The following PSD3 variants were observed in gnomAD, a reference collection of about 807,000 sequenced individuals.
PSD3 encodes the protein PH and SEC7 domain-containing protein 3.
In PSD3, 49 loss-of-function variants were observed where a neutral mutation model predicts 105.5. The observed-to-expected ratio is 0.46, with a 90% CI of 0.37 to 0.59. The LOEUF is 0.59. Among genes scored for constraint, PSD3 ranks in the 20% least tolerant of loss-of-function variants. The pLI, the probability that PSD3 is intolerant of heterozygous loss-of-function variation, is 0.00. For missense variants in PSD3, 1,561 were observed against 1,263.8 expected, an observed-to-expected ratio of 1.24 and a Z score of -3.57; for synonymous variants, 557 against 457.8, an observed-to-expected ratio of 1.22 and a Z score of -2.77.
chr8:18,530,915 A>G lies in PSD3; in HGVS notation c.*4828T>C, dbSNP rs1799608116. 4 of 152,302 alleles carry G rather than the reference A, an allele frequency of 2.6e-5. No individual in the cohort carries two copies. The highest frequency in any genetic ancestry group is 4.1e-4 in the South Asian group (2 of 4,826). 9.4% of individuals were successfully genotyped at this position (152,302 alleles called of 1,614,324 possible). ...AACAATACCACTATATATACTCTCAACAACTTCATTATATAATCAGTCCTA... is the reference window on the plus strand; with the variant it reads ...AACAATACCACTATATATACTCTCAGCAACTTCATTATATAATCAGTCCTA... On this transcript the variant is annotated 3_prime_UTR_variant, in exon 16 of 16. Transcript: ENST00000327040.
chr8:18,588,337 T>C (rs116196342), intron 12 of PSD3, among the ~76,000 whole-genome samples: 1,841 of 152,280 alleles, frequency 0.012, 35 homozygotes, highest in African/African-American at 0.041. Context: ...TAAGCTTCCA[T>C]TGATTGAGGA....
Position 18,612,611 on chromosome 8 carries a change from C to T in PSD3, c.2411-12177G>A, listed in dbSNP as rs538399297. 4.6e-5 allele frequency among the ~76,000 whole-genome samples: 7 copies of T among 152,208 alleles called. No homozygotes were observed. The East Asian group carries it at 1.4e-3, about 30-fold the overall frequency. On this transcript the variant is annotated intron_variant, in intron 11 of 15. Coordinates refer to ENST00000327040, the MANE Select transcript of PSD3 (RefSeq NM_015310.4). ...GGTCTTGATCTCCTGACCTCGTGAT[C>T]CGCCTGCCTCGGCCTCCCAAAGTGC...
chr8:18,786,274 T>C (rs1809146886), intron 8 of PSD3, among the ~76,000 whole-genome samples: 1 of 152,206 alleles, frequency 6.6e-6, no homozygotes, highest in Admixed American at 6.5e-5. Flanking sequence ...GGGAGATTCA[T>C]GAACAAGATA....
intron 15 of PSD3, among the ~76,000 whole-genome samples, chr8:18,547,017 T>C (rs943371648): frequency 3.9e-5 from 6 of 152,136 alleles, no homozygotes; most frequent in Non-Finnish European, 5.9e-5. Context: ...ATCTGGGCTG[T>C]TTCTCTAGAC....
chr8:18,530,061 A>T lies in PSD3; in HGVS notation c.*5682T>A, dbSNP rs1194699265. On this transcript the variant is annotated 3_prime_UTR_variant, in exon 16 of 16. Transcript: ENST00000327040. ...GCTGAAGTTAGTCTCCCACCCCACA[A>T]TTCAAACTCTCTGAATCAGCTACAA... is the stretch of plus-strand genomic sequence containing the variant. 6.6e-6 allele frequency: 1 copy of T among 152,584 alleles called. No homozygotes were observed. Among genetic ancestry groups the T allele is most frequent in the Admixed American group, 6.5e-5 (1 of 15,274 alleles). 9.5% of individuals were successfully genotyped at this position (152,584 alleles called of 1,614,324 possible).
At chr8:19,075,916 A>G (rs887887363) in intron 1 of PSD3, among the ~76,000 whole-genome samples, 2 of 152,258 alleles carry the variant, frequency 1.3e-5, no homozygotes, top group African/African-American at 4.8e-5. Context: ...ACACGTAATC[A>G]ACAATGTAAT....
chr8:18,802,101 C>A (rs1810749447), intron 6 of PSD3, among the ~76,000 whole-genome samples: 1 of 152,058 alleles, frequency 6.6e-6, no homozygotes, highest in African/African-American at 2.4e-5. Flanking sequence ...GATTGCATTG[C>A]TTTGTGCACA....
intron 1 of PSD3, among the ~76,000 whole-genome samples, chr8:18,971,783 T>A (rs1293043100): frequency 6.6e-6 from 1 of 152,074 alleles, no homozygotes; most frequent in Non-Finnish European, 1.5e-5. Flanking sequence ...GGCAGGTGGA[T>A]CACTTGAGGT....
chr8:19,009,939 C>T (rs529675203), intron 1 of PSD3, among the ~76,000 whole-genome samples: 3 of 152,252 alleles, frequency 2.0e-5, no homozygotes, highest in South Asian at 4.2e-4. Context: ...TTAGAAAATG[C>T]TGCTTTCTCA....
intron 9 of PSD3, among the ~76,000 whole-genome samples, chr8:18,722,317 C>T (rs1219881508): frequency 6.6e-6 from 1 of 152,108 alleles, no homozygotes; most frequent in Non-Finnish European, 1.5e-5. Flanking sequence ...CTTACCTTTG[C>T]TCAGTCTACT....
chr8:18,686,732 C>G (rs965370285), intron 9 of PSD3, among the ~76,000 whole-genome samples: 1 of 152,156 alleles, frequency 6.6e-6, no homozygotes, highest in African/African-American at 2.4e-5. Flanking sequence ...ACTCTTCATT[C>G]CAGGTGAGTG....
intron 2 of PSD3, among the ~76,000 whole-genome samples, chr8:18,893,669 C>T (rs554583245): frequency 6.6e-6 from 1 of 151,432 alleles, no homozygotes; most frequent in East Asian, 2.0e-4. Flanking sequence ...GAGCAGAGCA[C>T]ATCCATGTGC....
rs1006271474 is a variant in PSD3, at chr8:18,529,059, C to T, written c.*6684G>A. The T allele has an allele frequency of 6.6e-6, 1 of 152,174 alleles. No individual in the cohort carries two copies. Among genetic ancestry groups the T allele is most frequent in the Non-Finnish European group, 1.5e-5 (1 of 68,046 alleles). 9.4% of individuals were successfully genotyped at this position (152,174 alleles called of 1,614,324 possible). On this transcript the variant is annotated 3_prime_UTR_variant, in exon 16 of 16. Transcript: ENST00000327040. ...TCCTTGTTTCTTCACTTGTACTCCT[C>T]TCTCAAAGGAATGATCTGCAGAGCA...
At position 18,872,059 on chromosome 8, in the gene PSD3, A is replaced by C; in HGVS notation, c.805T>G (p.Leu269Val). Residue 269 changes from leucine (L) to valine (V), a missense_variant, in exon 3 of 16, where the codon TTG (leucine) becomes GTG (valine). Transcript: ENST00000327040. Reference sequence around the variant, plus strand: ...CCAAGAGCAGACCTCTGCTCTTTCAAGAAACCAACACTGCCTGCAGAGTGG... The same window carrying C: ...CCAAGAGCAGACCTCTGCTCTTTCACGAAACCAACACTGCCTGCAGAGTGG... Reference protein sequence around the residue: ...TCHSAGSVGFLKEQRSALGRE... With the variant: ...TCHSAGSVGFVKEQRSALGRE... 1 of 1,614,158 alleles carries C rather than the reference A, an allele frequency of 6.2e-7. No homozygotes were observed.
At chr8:18,955,966 C>A (rs947552538) in intron 1 of PSD3, among the ~76,000 whole-genome samples, 1 of 151,902 alleles carries the variant, frequency 6.6e-6, no homozygotes, top group Non-Finnish European at 1.5e-5. Context: ...ATGAGTTTCA[C>A]CATGTTGGCC....
intron 9 of PSD3, among the ~76,000 whole-genome samples, chr8:18,706,648 A>G (rs1258779012): frequency 6.6e-6 from 1 of 152,236 alleles, no homozygotes; most frequent in Non-Finnish European, 1.5e-5. Flanking sequence ...GCAATCACCT[A>G]GCAAGGAGAT....
intron 9 of PSD3, among the ~76,000 whole-genome samples, chr8:18,698,303 G>A (rs1381812045): frequency 6.6e-6 from 1 of 152,040 alleles, no homozygotes. Flanking sequence ...AATTTTTGTA[G>A]AGATGAGGTC....
chr8:18,880,691 T>C (rs568842383), intron 2 of PSD3, among the ~76,000 whole-genome samples: 2 of 152,306 alleles, frequency 1.3e-5, no homozygotes, highest in South Asian at 4.1e-4. Context: ...TACACCAAAC[T>C]TGAAACTTGT....
At chr8:18,770,277 G>A (rs1319051566) in intron 8 of PSD3, among the ~76,000 whole-genome samples, 1 of 151,996 alleles carries the variant, frequency 6.6e-6, no homozygotes, top group Non-Finnish European at 1.5e-5. Flanking sequence ...CTTCTTTAGA[G>A]AAAGGCCTGT....
Sources: allele counts gnomAD v4.1 joint callset (sites outside exome capture counted in the v4.1 genomes callset), GRCh38; gene constraint gnomAD v4.1.1; transcripts MANE v1.5; gene names NCBI Gene and HGNC (gene_info 2026-07-23, HGNC 2026-07-21).